The following DRC11 variants were observed in gnomAD, a reference collection of about 807,000 sequenced individuals.
The protein encoded by DRC11 is IQ and AAA domain-containing protein 1.
chr2:236,482,919 C>G, the DRC11 span, among the ~76,000 whole-genome samples: 2 of 152,100 alleles, frequency 1.3e-5, no homozygotes, highest in African/African-American at 4.8e-5. This position sits in a 1 kb window ranked among gnomAD's most constrained non-coding sequence, Gnocchi z 4.5. Flanking sequence ...ACATACCAGT[C>G]TAACTATTTT....
At chr2:236,344,376 A>T in the DRC11 span, among the ~76,000 whole-genome samples, 20 of 152,294 alleles carry the variant, frequency 1.3e-4, no homozygotes, top group South Asian at 3.9e-3. Flanking sequence ...ATGTCTCATA[A>T]AGTCAGACCA....
chr2:236,459,684 TATAC>T, the DRC11 span, among the ~76,000 whole-genome samples: 2 of 145,252 alleles, frequency 1.4e-5, no homozygotes, highest in Admixed American at 6.9e-5. Context: ...TATATATGTA[TATAC>T]ATATATACAT....
At chr2:236,383,797 G>A in the DRC11 span, among the ~76,000 whole-genome samples, 375 of 151,958 alleles carry the variant, frequency 2.5e-3, 12 homozygotes, top group East Asian at 0.058. Context: ...TATATCTCCC[G>A]ATGCTATCCC....
the DRC11 span, among the ~76,000 whole-genome samples, chr2:236,311,697 C>CGTGTGTGT: frequency 0.017 from 2,380 of 138,770 alleles, 22 homozygotes; most frequent in African/African-American, 0.022. This position sits in a 1 kb window ranked among gnomAD's most constrained non-coding sequence, Gnocchi z 6.9. Flanking sequence ...GGATGGGGTG[C>CGTGTGTGT]GTGTGTGTGT....
chr2:236,408,217 G>A, the DRC11 span: 2 of 787,612 alleles, frequency 2.5e-6, no homozygotes, highest in African/African-American at 1.7e-5. The surrounding 1 kb of genome is among the most constrained non-coding windows in gnomAD (Gnocchi z 5.5). Context: ...GCCGATCTTA[G>A]AGATCAATCT....
At chr2:236,446,712 C>T in the DRC11 span, among the ~76,000 whole-genome samples, 1 of 152,206 alleles carries the variant, frequency 6.6e-6, no homozygotes, top group Non-Finnish European at 1.5e-5. The surrounding 1 kb of genome is among the most constrained non-coding windows in gnomAD (Gnocchi z 6.2). Context: ...GGTGTGGGCA[C>T]CCACAGCATT....
the DRC11 span, among the ~76,000 whole-genome samples, chr2:236,388,042 G>C: frequency 1.3e-5 from 2 of 152,142 alleles, no homozygotes; most frequent in South Asian, 4.2e-4. Flanking sequence ...CTGTTAGTCT[G>C]ATGGGCTTCC....
the DRC11 span, among the ~76,000 whole-genome samples, chr2:236,317,323 C>T: frequency 6.6e-6 from 1 of 151,922 alleles, no homozygotes; most frequent in East Asian, 1.9e-4. The surrounding 1 kb of genome is among the most constrained non-coding windows in gnomAD (Gnocchi z 5.4). Context: ...GATAGGCTCT[C>T]ATTAACAGTA....
At chr2:236,367,929 T>C in the DRC11 span, 1 of 478,160 alleles carries the variant, frequency 2.1e-6, no homozygotes, top group East Asian at 4.1e-5. The surrounding 1 kb of genome is among the most constrained non-coding windows in gnomAD (Gnocchi z 4.8). Context: ...GCTTTGCCTA[T>C]TATCTCCCCA....
chr2:236,367,601 A>G, the DRC11 span: 2 of 152,458 alleles, frequency 1.3e-5, no homozygotes, highest in African/African-American at 4.8e-5. The surrounding 1 kb of genome is among the most constrained non-coding windows in gnomAD (Gnocchi z 4.8). Flanking sequence ...TAAAGAAAAA[A>G]AAAAAGAAAA....
the DRC11 span, chr2:236,364,070 G>A: frequency 9.3e-7 from 1 of 1,072,438 alleles, no homozygotes; most frequent in Non-Finnish European, 1.4e-6. Flanking sequence ...ACTGCATCGT[G>A]TGACTCCACT....
At chr2:236,451,362 C>CAT in the DRC11 span, among the ~76,000 whole-genome samples, 738 of 148,996 alleles carry the variant, frequency 5.0e-3, 2 homozygotes, top group Middle Eastern at 0.01. Flanking sequence ...AAACACTTTA[C>CAT]ATATATATAT....
At chr2:236,455,968 C>T in the DRC11 span, among the ~76,000 whole-genome samples, 1 of 152,012 alleles carries the variant, frequency 6.6e-6, no homozygotes, top group African/African-American at 2.4e-5. This position sits in a 1 kb window ranked among gnomAD's most constrained non-coding sequence, Gnocchi z 5.7. Context: ...CCTTGCTCTC[C>T]GCGCCTCCAC....
the DRC11 span, among the ~76,000 whole-genome samples, chr2:236,365,342 G>A: frequency 6.6e-6 from 1 of 152,094 alleles, no homozygotes; most frequent in Non-Finnish European, 1.5e-5. The surrounding 1 kb of genome is among the most constrained non-coding windows in gnomAD (Gnocchi z 7.4). Context: ...TGGACTTCCA[G>A]GAGGAGGTGG....
At chr2:236,358,368 TATAG>T in the DRC11 span, among the ~76,000 whole-genome samples, 14 of 128,446 alleles carry the variant, frequency 1.1e-4, no homozygotes, top group East Asian at 8.4e-4. Context: ...ATATATAATA[TATAG>T]ATATATATTT....
At chr2:236,318,074 G>A in the DRC11 span, among the ~76,000 whole-genome samples, 1 of 152,324 alleles carries the variant, frequency 6.6e-6, no homozygotes, top group Middle Eastern at 3.4e-3. This position sits in a 1 kb window ranked among gnomAD's most constrained non-coding sequence, Gnocchi z 7.0. Context: ...AGCGCTTCTG[G>A]CCTGTTGCCA....
the DRC11 span, among the ~76,000 whole-genome samples, chr2:236,481,408 C>T: frequency 6.6e-6 from 1 of 152,068 alleles, no homozygotes; most frequent in South Asian, 2.1e-4. Context: ...GGGAGGAGCA[C>T]TGTGAATATA....
chr2:236,386,451 GA>G, the DRC11 span, among the ~76,000 whole-genome samples: 5 of 151,640 alleles, frequency 3.3e-5, no homozygotes, highest in Non-Finnish European at 4.4e-5. Context: ...TATTTGCGTA[GA>G]GGTGTTTGTA....
the DRC11 span, chr2:236,503,595 G>A: frequency 6.5e-7 from 1 of 1,533,364 alleles, no homozygotes; most frequent in Non-Finnish European, 8.8e-7. The surrounding 1 kb of genome is among the most constrained non-coding windows in gnomAD (Gnocchi z 4.9). Context: ...AGGAAAATGA[G>A]CAGCTTTGAA....
Sources: allele counts gnomAD v4.1 joint callset (sites outside exome capture counted in the v4.1 genomes callset), GRCh38; gene constraint gnomAD v4.1.1; non-coding constraint Gnocchi (gnomAD v3.1); transcripts MANE v1.5; gene names NCBI Gene and HGNC (gene_info 2026-07-23, HGNC 2026-07-21).